The following SUMF1 variants were observed in gnomAD, a reference collection of about 807,000 sequenced individuals.
The protein encoded by SUMF1 is sulfatase modifying factor 1.
Under a neutral mutation model 47.6 loss-of-function variants are expected in SUMF1, and 48 were observed. That is an observed-to-expected ratio of 1.01 (90% confidence interval 0.80 to 1.28). The LOEUF (loss-of-function observed/expected upper bound fraction) is 1.28, where lower values mean the gene tolerates loss of function less well. SUMF1 is among the 50% of genes most tolerant of loss of function. The pLI, the probability that SUMF1 is intolerant of heterozygous loss-of-function variation, is 0.00. For synonymous variants in SUMF1, 230 were observed against 192.1 expected, an observed-to-expected ratio of 1.20 and a Z score of -1.63; for missense variants, 571 against 485.4, an observed-to-expected ratio of 1.18 and a Z score of -1.66.
Position 4,421,685 on chromosome 3 carries a change from G to A in SUMF1, c.520-1539C>T, listed in dbSNP as rs1007132468. 3.3e-5 allele frequency among the ~76,000 whole-genome samples: 5 copies of A among 152,262 alleles called. No individual in the cohort carries two copies. The East Asian group carries it at 9.7e-4, about 29-fold the overall frequency. The stretch of plus-strand genomic sequence containing the variant: ...TTTTGTAGAGATGGGGTTTTGCCAT[G>A]TTGCCCAGGCTGGTCTTGAACTACT... On this transcript the variant is annotated intron_variant, in intron 3 of 8. Transcript: ENST00000272902.
chr3:4,136,374 G>A (rs1574915406), intron 8 of SUMF1, among the ~76,000 whole-genome samples: 2 of 152,178 alleles, frequency 1.3e-5, no homozygotes, highest in South Asian at 2.1e-4. Context: ...ATGGGGAAAG[G>A]ACTCCCTATT....
rs1559309369 is a variant in SUMF1 at position 4,452,764 on chromosome 3, A to T, written c.444+112T>A. On this transcript the variant is annotated intron_variant, in intron 2 of 8. Transcript: ENST00000272902. The stretch of plus-strand genomic sequence containing the variant: ...ATATATACAATAAAATGCTTCACAC[A>T]GTTCTGCCACAGAATGCAGTAAAAA... The T allele has an allele frequency of 2.4e-6, 3 of 1,264,350 alleles. No individual in the cohort carries two copies. The East Asian group carries it at 7.0e-5, about 29-fold the overall frequency. The allele number at this position is 1,264,350 out of a possible 1,614,324, so 78.3% of individuals were successfully genotyped here.
chr3:4,061,545 T>C (rs924034443), intron 9 of SUMF1, among the ~76,000 whole-genome samples: 1 of 152,174 alleles, frequency 6.6e-6, no homozygotes, highest in Non-Finnish European at 1.5e-5. Flanking sequence ...ATCTCCCATC[T>C]CCTCAGCTGC....
chr3:4,174,119 G>C (rs148252887), intron 8 of SUMF1, among the ~76,000 whole-genome samples: 1 of 152,056 alleles, frequency 6.6e-6, no homozygotes, highest in Non-Finnish European at 1.5e-5. Flanking sequence ...CACTTCAGGA[G>C]GCTGAGGCAG....
At chr3:4,434,719 T>C (rs1702341739) in intron 3 of SUMF1, among the ~76,000 whole-genome samples, 1 of 152,034 alleles carries the variant, frequency 6.6e-6, no homozygotes, top group Non-Finnish European at 1.5e-5. Flanking sequence ...TGTGCTGGCA[T>C]GAAAAAAATG....
At chr3:4,285,228 G>T (rs965436939) in intron 8 of SUMF1, among the ~76,000 whole-genome samples, 2 of 152,110 alleles carry the variant, frequency 1.3e-5, no homozygotes, top group African/African-American at 4.8e-5. Context: ...TGACTTAATA[G>T]TATCTCCTCT....
intron 8 of SUMF1, among the ~76,000 whole-genome samples, chr3:4,210,519 C>T (rs74668587): frequency 0.019 from 2,868 of 152,146 alleles, 39 homozygotes; most frequent in Non-Finnish European, 0.022. Context: ...GGGGAAAGAA[C>T]GACCCTTTCC....
chr3:4,341,968 C>A (rs147236015), intron 8 of SUMF1, among the ~76,000 whole-genome samples: 2 of 152,298 alleles, frequency 1.3e-5, no homozygotes, highest in African/African-American at 4.8e-5. Flanking sequence ...ATAATTTATA[C>A]TTTAGCACGA....
rs143531916 is a variant in SUMF1, at chr3:4,143,901, G to C, written c.1015-75156C>G. 3.1e-3 allele frequency among the ~76,000 whole-genome samples: 477 copies of C among 151,838 alleles called. 4 individuals carry two copies. Among genetic ancestry groups the C allele is most frequent in the Middle Eastern group, 0.017 (5 of 290 alleles). On this transcript the variant is annotated intron_variant and NMD_transcript_variant, in intron 8 of 12. Transcript: ENST00000448413. ...AATCTTAATATACATTCTAACCAGA[G>C]CCACGGTGATATGTACGCATGATAA...
At chr3:4,218,433 A>T (rs1695988128) in intron 8 of SUMF1, among the ~76,000 whole-genome samples, 1 of 152,136 alleles carries the variant, frequency 6.6e-6, no homozygotes, top group Non-Finnish European at 1.5e-5. Flanking sequence ...GATTTTTTTA[A>T]GATAAAGCAT....
chr3:4,356,289 A>G (rs916589401), downstream of SUMF1, among the ~76,000 whole-genome samples: 1 of 152,246 alleles, frequency 6.6e-6, no homozygotes, highest in Non-Finnish European at 1.5e-5. Flanking sequence ...TCAACAGTCA[A>G]TAAATTAAAA....
intron 8 of SUMF1, among the ~76,000 whole-genome samples, chr3:4,117,750 A>ATC (rs1378341481): frequency 6.6e-6 from 1 of 150,702 alleles, no homozygotes; most frequent in East Asian, 2.0e-4. Flanking sequence ...TTAAACATGA[A>ATC]TCTCTCCCCT....
intron 8 of SUMF1, among the ~76,000 whole-genome samples, chr3:4,189,717 C>CTGAAAA (rs1559550791): frequency 6.6e-6 from 1 of 151,552 alleles, no homozygotes; most frequent in Non-Finnish European, 1.5e-5. Flanking sequence ...GAGAAGAAAA[C>CTGAAAA]TAAATGACCC....
intron 8 of SUMF1, among the ~76,000 whole-genome samples, chr3:4,191,139 G>T (rs191885915): frequency 2.6e-5 from 4 of 152,280 alleles, no homozygotes; most frequent in African/African-American, 7.2e-5. Flanking sequence ...GCAGCAATCT[G>T]GTTGGAAGGG....
At chr3:4,360,205 C>CTTTGTTTTTTT (rs1699713849), downstream of SUMF1, among the ~76,000 whole-genome samples, 1 of 104,140 alleles carries the variant, frequency 9.6e-6, no homozygotes, top group Admixed American at 1.0e-4. Context: ...AATGTTTGTT[C>CTTTGTTTTTTT]TTTTTTTTTT....
chr3:4,073,238 A>G (rs1004691911), intron 8 of SUMF1, among the ~76,000 whole-genome samples: 1 of 152,128 alleles, frequency 6.6e-6, no homozygotes, highest in Non-Finnish European at 1.5e-5. Flanking sequence ...CCAAACTAAG[A>G]TTCATAAGCA....
chr3:4,438,025 T>C (rs752111611), intron 3 of SUMF1, among the ~76,000 whole-genome samples: 11 of 151,964 alleles, frequency 7.2e-5, no homozygotes, highest in Non-Finnish European at 1.6e-4. Flanking sequence ...AGAAAGCTTG[T>C]ACACCTATAT....
chr3:4,152,471 T>C (rs1430367525), intron 8 of SUMF1, among the ~76,000 whole-genome samples: 1 of 150,862 alleles, frequency 6.6e-6, no homozygotes, highest in Non-Finnish European at 1.5e-5. Flanking sequence ...TTTTTTTCTT[T>C]TTCTTTTTCT....
chr3:4,228,183 T>A (rs996661787), intron 8 of SUMF1, among the ~76,000 whole-genome samples: 1 of 152,158 alleles, frequency 6.6e-6, no homozygotes, highest in African/African-American at 2.4e-5. Context: ...ATATCATTTA[T>A]AACTATGAAT....
Sources: gnomAD v4.1 joint callset for allele counts (sites outside exome capture counted in the v4.1 genomes callset) on GRCh38, gnomAD v4.1.1 for gene constraint, MANE v1.5 for transcripts, NCBI Gene and HGNC (gene_info 2026-07-23, HGNC 2026-07-21) for gene names.